Variants in PEX16 observed in about 807,000 individuals in gnomAD.
The protein encoded by PEX16 is peroxin 16.
Under a neutral mutation model 50.5 loss-of-function variants are expected in PEX16, and 37 were observed. The observed-to-expected ratio is 0.73, with a 90% CI of 0.56 to 0.96. PEX16 has a LOEUF of 0.96. Among genes scored for constraint, PEX16 ranks in the 40% least tolerant of loss-of-function variants. The pLI is 0.00. For synonymous variants in PEX16, 185 were observed against 190.3 expected, an observed-to-expected ratio of 0.97 and a Z score of 0.23; for missense variants, 401 against 438.3, an observed-to-expected ratio of 0.91 and a Z score of 0.76.
upstream of PEX16, chr11:45,918,679 A>C (rs372669264): frequency 1.3e-5 from 2 of 152,256 alleles, no homozygotes; most frequent in African/African-American, 4.8e-5. Context: ...CCTTGAACTC[A>C]GAATCGATCT....
upstream of PEX16, chr11:45,918,623 G>A (rs1206847795): frequency 6.6e-6 from 1 of 152,242 alleles, no homozygotes; most frequent in African/African-American, 2.4e-5. Context: ...CCTTCTCTGG[G>A]TCTCGGATTT....
At chr11:45,914,813 G>A in intron 5 of PEX16, 129 bp from the exon 6 acceptor site, 1 of 818,276 alleles carries the variant, frequency 1.2e-6, no homozygotes, top group East Asian at 2.5e-5. Flanking sequence ...GGCAACAGCT[G>A]AGTCAAGGGA....
Position 45,917,510 on chromosome 11 carries a change from G to T in PEX16, c.113-17C>A, listed in dbSNP as rs2086849769. 1.2e-6 allele frequency: 2 copies of T among 1,613,874 alleles called. No homozygotes were observed. Among genetic ancestry groups the T allele is most frequent in the Non-Finnish European group, 1.7e-6 (2 of 1,179,940 alleles). On this transcript the variant is annotated splice_polypyrimidine_tract_variant and intron_variant, in intron 1 of 10. Coordinates refer to ENST00000378750, the MANE Select transcript of PEX16 (RefSeq NM_004813.4). ...CGAATCGACCTGGGGAGAGGGTACA[G>T]AAGGAGGTGTGAGTGAGCATCTGCC...
intron 10 of PEX16, 31 bp downstream of exon 10, chr11:45,910,867 C>G: frequency 6.2e-7 from 1 of 1,603,016 alleles, no homozygotes; most frequent in Non-Finnish European, 8.5e-7. Flanking sequence ...CCTTCCAGCA[C>G]TACAGTCATC....
At chr11:45,914,012 G>A (rs2086805191) in intron 8 of PEX16, 74 bp from the exon 9 acceptor site, 4 of 1,599,858 alleles carry the variant, frequency 2.5e-6, no homozygotes, top group Admixed American at 3.4e-5. Flanking sequence ...GCCATGGGCT[G>A]GGTGTCCAGA....
chr11:45,911,001 T>TGGGGGGG, intron 9 of PEX16, 39 bp from the exon 10 acceptor site: 1 of 1,184,412 alleles, frequency 8.4e-7, no homozygotes, highest in Non-Finnish European at 1.3e-6. Flanking sequence ...CTGAGTGGGG[T>TGGGGGGG]GGGGGTGGGT....
intron 9 of PEX16, among the ~76,000 whole-genome samples, chr11:45,912,962 A>T (rs767281994): frequency 1.3e-5 from 2 of 151,586 alleles, no homozygotes; most frequent in Non-Finnish European, 2.9e-5. Flanking sequence ...GCTAGGACTT[A>T]CAGGCGCACA....
chr11:45,917,569 C>A, intron 1 of PEX16, 76 bp from the exon 2 acceptor site: 2 of 1,573,160 alleles, frequency 1.3e-6, no homozygotes, highest in African/African-American at 1.3e-5. Context: ...GAAATCCCCT[C>A]CCTACGCCCT....
At position 45,910,891 on chromosome 11, in the gene PEX16, T is replaced by C; in HGVS notation, c.952+7A>G. ...ACTACAGTCATCGCGTCCCCATCCC[T>C]GCTTACTTGTGACCAGGCCAACGCC... On this transcript the variant is annotated splice_region_variant and intron_variant, in intron 10 of 10. Transcript: ENST00000378750. 1.9e-6 allele frequency: 3 copies of C among 1,613,228 alleles called. No homozygotes were observed. The highest frequency in any genetic ancestry group is 2.5e-6 in the Non-Finnish European group (3 of 1,179,632).
rs1326383655 is a variant in PEX16, at chr11:45,916,282, A to AG, written c.169dup (p.Leu57ProfsTer6). ...TAGGATCCCGTCATTGAGCAGCACA[A>AG]GCAGGTTAGAGGCAGAGTACACTGA... On this transcript the variant is annotated frameshift_variant, in exon 3 of 11. Transcript: ENST00000378750. LOFTEE classifies it high-confidence loss of function. 6.2e-7 allele frequency: 1 copy of AG among 1,614,012 alleles called. No homozygotes were observed. Among genetic ancestry groups the AG allele is most frequent in the South Asian group, 1.1e-5 (1 of 91,082 alleles).
intron 8 of PEX16, 84 bp downstream of exon 8, chr11:45,914,047 G>A: frequency 1.9e-6 from 3 of 1,568,684 alleles, no homozygotes; most frequent in Non-Finnish European, 1.7e-6. Flanking sequence ...AGGAGCAGGG[G>A]CCGCTGCCAC....
At chr11:45,911,083 G>A (rs955877377) in intron 9 of PEX16, 121 bp from the exon 10 acceptor site, 1 of 751,084 alleles carries the variant, frequency 1.3e-6, no homozygotes, top group African/African-American at 1.7e-5. Flanking sequence ...AGAAAACAAA[G>A]GTGACTTTCT....
In PEX16 at chr11:45,914,208, C is replaced by T. The variant is rs775367961; in HGVS notation, c.695-5G>A. 2.6e-5 allele frequency: 42 copies of T among 1,613,132 alleles called. No homozygotes were observed. Among genetic ancestry groups the T allele is most frequent in the South Asian group, 4.4e-5 (4 of 90,994 alleles). On this transcript the variant is annotated splice_region_variant and splice_polypyrimidine_tract_variant and intron_variant, in intron 7 of 10. Transcript: ENST00000378750. ...CCCACAGGCCCAGGCTGAGCACTGA[C>T]GGCCAAGGCGTCAAGGATGTCTCCA... is the stretch of plus-strand genomic sequence containing the variant.
At position 45,917,823 on chromosome 11, in the gene PEX16, C is replaced by A. The variant is rs186233952; in HGVS notation, c.-12G>T. The A allele has an allele frequency of 1.4e-5, 21 of 1,518,580 alleles. No homozygotes were observed. Among genetic ancestry groups the A allele is most frequent in the African/African-American group, 1.4e-4 (10 of 72,802 alleles). 94.1% of individuals were successfully genotyped at this position (1,518,580 alleles called of 1,614,324 possible). A position where few individuals can be genotyped will look rare whatever the true frequency, so the allele number is the denominator to read the frequency against. On this transcript the variant is annotated 5_prime_UTR_variant, in exon 1 of 11. Transcript: ENST00000378750. ...CGCAGCTTCTCCATCCTGCCCTCGG[C>A]ACCGACAGACCCACAGAAGGACCGT...
chr11:45,910,992 T>C, intron 9 of PEX16, 30 bp from the exon 10 acceptor site: 1 of 1,547,718 alleles, frequency 6.5e-7, no homozygotes, highest in Middle Eastern at 1.7e-4. Flanking sequence ...GGGAGCAAGC[T>C]GAGTGGGGTG....
chr11:45,916,362 T>G, intron 2 of PEX16, 59 bp from the exon 3 acceptor site: 2 of 1,325,884 alleles, frequency 1.5e-6, no homozygotes, highest in Non-Finnish European at 1.1e-6. Flanking sequence ...CCTCTCACCT[T>G]CTCCCCAGAG....
intron 5 of PEX16, 29 bp from the exon 6 acceptor site, chr11:45,914,713 G>A: frequency 6.3e-7 from 1 of 1,581,190 alleles, no homozygotes; most frequent in Non-Finnish European, 8.7e-7. Context: ...AGGCCATACA[G>A]TCAGAGGGAC....
At position 45,909,741 on chromosome 11, in the gene PEX16, C is replaced by A. The variant is rs2086755050; in HGVS notation, c.*513G>T. ...GTGCCACTTGCGTGGGAGCCAGGCT[C>A]ACTGTTCACCAGGCTCTGTCACAGG... On this transcript the variant is annotated 3_prime_UTR_variant, in exon 11 of 11. Transcript: ENST00000378750. 1 of 377,624 alleles carries A rather than the reference C, an allele frequency of 2.6e-6. No individual in the cohort carries two copies. Among genetic ancestry groups the A allele is most frequent in the Admixed American group, 3.9e-5 (1 of 25,498 alleles). 23.4% of individuals were successfully genotyped at this position (377,624 alleles called of 1,614,324 possible).
chr11:45,915,309 CATT>C (rs769398001), intron 5 of PEX16, among the ~76,000 whole-genome samples, 156 bp downstream of exon 5: 5 of 152,268 alleles, frequency 3.3e-5, no homozygotes, highest in South Asian at 2.1e-4. Flanking sequence ...CTAGCCGCAT[CATT>C]GTCTTCTCTG....
Sources: gnomAD v4.1 joint callset for allele counts (sites outside exome capture counted in the v4.1 genomes callset) on GRCh38, gnomAD v4.1.1 for gene constraint, MANE v1.5 for transcripts, NCBI Gene and HGNC (gene_info 2026-07-23, HGNC 2026-07-21) for gene names.